BRIP1: variants seen among roughly 807,000 people sequenced by gnomAD.
BRIP1 encodes BRCA1 interacting DNA helicase 1.
In BRIP1, 88 loss-of-function variants were observed where a neutral mutation model predicts 119.7. The observed-to-expected ratio is 0.74, with a 90% confidence interval of 0.62 to 0.88. The LOEUF (loss-of-function observed/expected upper bound fraction) is 0.88, where lower values mean the gene tolerates loss of function less well. BRIP1 is among the 40% of genes least tolerant of loss of function. BRIP1 has a pLI of 0.00. For synonymous variants in BRIP1, 443 were observed against 496.5 expected, an observed-to-expected ratio of 0.89 and a Z score of 1.43; for missense variants, 1,259 against 1,455.4, an observed-to-expected ratio of 0.87 and a Z score of 2.20.
At chr17:61,818,671 T>A (rs1406308629) in intron 6 of BRIP1, among the ~76,000 whole-genome samples, 1 of 152,154 alleles carries the variant, frequency 6.6e-6, no homozygotes, top group Non-Finnish European at 1.5e-5. Context: ...ATGAGGGGAA[T>A]TATATCTCCT....
At position 61,815,295 on chromosome 17, in the gene BRIP1, G is replaced by A. The variant is rs2078219981; in HGVS notation, c.628-6538C>T. Reference sequence around the variant, plus strand: ...TATTACAGATCACCCAGAAACTACAGACACAATTTTGTGTGCATTTTTAGA... The same window carrying A: ...TATTACAGATCACCCAGAAACTACAAACACAATTTTGTGTGCATTTTTAGA... On this transcript the variant is annotated intron_variant, in intron 6 of 19. Coordinates refer to ENST00000259008, the MANE Select transcript of BRIP1 (RefSeq NM_032043.3). The surrounding 1 kb of genome is among the most constrained non-coding windows in gnomAD (Gnocchi z 4.1). 6.6e-6 allele frequency among the ~76,000 whole-genome samples: 1 copy of A among 152,068 alleles called. No individual in the cohort carries two copies. Among genetic ancestry groups the A allele is most frequent in the African/African-American group, 2.4e-5 (1 of 41,422 alleles).
In BRIP1 at chr17:61,680,425, A is replaced by G. The variant is rs2061255527; in HGVS notation, c.*2871T>C. ...GATGAAGTTGGGTAATAACACTAAG[A>G]TATGAATAATATGCTTAATTTTCTC... On this transcript the variant is annotated 3_prime_UTR_variant, in exon 20 of 20. Coordinates refer to ENST00000259008, the MANE Select transcript of BRIP1 (RefSeq NM_032043.3). Among the ~76,000 whole-genome samples, 1 of 151,628 alleles carries G rather than the reference A, an allele frequency of 6.6e-6. No individual in the cohort carries two copies. Among genetic ancestry groups the G allele is most frequent in the South Asian group, 2.1e-4 (1 of 4,802 alleles).
rs1030413229 is a variant in BRIP1 at position 61,699,861 on chromosome 17, C to G, written c.2493-6349G>C. ...GCAGAGGCTGCCTATATGACCAGCC[C>G]CAGTAAAATCCCTGGGTGCTAATGA... On this transcript the variant is annotated intron_variant, in intron 17 of 19. Transcript: ENST00000259008. The surrounding 1 kb of genome is among the most constrained non-coding windows in gnomAD (Gnocchi z 4.8). Among the ~76,000 whole-genome samples, 2 of 152,154 alleles carry G rather than the reference C, an allele frequency of 1.3e-5. No homozygotes were observed. Among genetic ancestry groups the G allele is most frequent in the Non-Finnish European group, 2.9e-5 (2 of 68,040 alleles).
At position 61,801,183 on chromosome 17, in the gene BRIP1, A is replaced by G. The variant is rs969500095; in HGVS notation, c.1140+70T>C. 54 of 1,440,988 alleles carry G rather than the reference A, an allele frequency of 3.7e-5. No individual in the cohort carries two copies. The South Asian group carries it at 4.9e-4, about 13-fold the overall frequency. 89.3% of individuals were successfully genotyped at this position (1,440,988 alleles called of 1,614,324 possible). A position where few individuals can be genotyped will look rare whatever the true frequency, so the allele number is the denominator to read the frequency against. On this transcript the variant is annotated intron_variant, in intron 8 of 19. Transcript: ENST00000259008. ...AAGCAAAAAAAATTAAAACATCTAA[A>G]AGCTTTTACATTCAACATTTACATC...
Position 61,744,581 on chromosome 17 carries a change from T to A in BRIP1, c.2108A>T (p.Lys703Ile), listed in dbSNP as rs756412722. The change falls in exon 15 of 20, where the codon AAA (lysine) becomes ATA (isoleucine). Residue 703 changes from lysine to isoleucine, a missense_variant. Around this residue, in one of 3 missense-constraint regions of BRIP1, gnomAD observed 753 missense variants for 891.8 expected, o/e 0.84. Coordinates refer to ENST00000259008, the MANE Select transcript of BRIP1 (RefSeq NM_032043.3). The surrounding 1 kb of genome is among the most constrained non-coding windows in gnomAD (Gnocchi z 5.0). ...CFLPSYKLLE[K>I]LKERWLSTGL... ...AGTAGAGAGCCAACGTTCTTTTAATTTTTCTAATAACTAAAGAGGGGAAAG... is the reference window on the plus strand; with the variant it reads ...AGTAGAGAGCCAACGTTCTTTTAATATTTCTAATAACTAAAGAGGGGAAAG... The A allele has an allele frequency of 3.0e-5, 49 of 1,613,182 alleles. No homozygotes were observed. Among genetic ancestry groups the A allele is most frequent in the Non-Finnish European group, 4.0e-5 (47 of 1,179,360 alleles).
At chr17:61,716,686 G>T (rs1319505704) in intron 16 of BRIP1, among the ~76,000 whole-genome samples, 1 of 82,454 alleles carries the variant, frequency 1.2e-5, no homozygotes, top group Non-Finnish European at 2.5e-5. Flanking sequence ...GTTATGATTG[G>T]GTTTAAGACT....
In BRIP1 at chr17:61,812,556, A is replaced by T. The variant is rs575725103; in HGVS notation, c.628-3799T>A. Reference sequence around the variant, plus strand: ...TGTTCAGAGTCCTTTTACTTCAAGAAAAGGCAAGAAAACCCAACCCAAGTA... The same window carrying T: ...TGTTCAGAGTCCTTTTACTTCAAGATAAGGCAAGAAAACCCAACCCAAGTA... On this transcript the variant is annotated intron_variant, in intron 6 of 19. Coordinates refer to ENST00000259008, the MANE Select transcript of BRIP1 (RefSeq NM_032043.3). Among the ~76,000 whole-genome samples the T allele has an allele frequency of 2.0e-5, 3 of 152,228 alleles. No homozygotes were observed. Among genetic ancestry groups the T allele is most frequent in the Non-Finnish European group, 4.4e-5 (3 of 68,010 alleles).
Position 61,808,579 on chromosome 17 carries a change from G to C in BRIP1, c.806C>G (p.Ser269Ter), listed in dbSNP as rs1412610651. The C allele has an allele frequency of 6.2e-7, 1 of 1,613,768 alleles. No homozygotes were observed. Among genetic ancestry groups the C allele is most frequent in the Non-Finnish European group, 8.5e-7 (1 of 1,179,808 alleles). Residue 269 changes from serine to a stop codon, truncating the protein, a stop_gained, in exon 7 of 20, where the codon TCA becomes TGA. Transcript: ENST00000259008. LOFTEE classifies it high-confidence loss of function. The surrounding 1 kb of genome is among the most constrained non-coding windows in gnomAD (Gnocchi z 4.1). ...GGAAAGAATAGTCATTGGAACCCCT[G>C]AATATGCCGTCCTCCGGAGCTCTCT... ...ITRELRRTAYSGVPMTILSSR... is the reference protein window; with the variant it reads ...ITRELRRTAY
At chr17:61,850,332 C>T (rs539400952) in intron 4 of BRIP1, among the ~76,000 whole-genome samples, 1 of 151,844 alleles carries the variant, frequency 6.6e-6, no homozygotes, top group African/African-American at 2.4e-5. Context: ...GAACTCCTGA[C>T]CTCAGGTGAT....
chr17:61,726,656 G>C lies in BRIP1; in HGVS notation c.2380-10593C>G, dbSNP rs941534117. Among the ~76,000 whole-genome samples the C allele has an allele frequency of 4.6e-5, 7 of 152,158 alleles. No homozygotes were observed. Among genetic ancestry groups the C allele is most frequent in the African/African-American group, 1.7e-4 (7 of 41,438 alleles). ...TATATACATTGGCAGAATACATACA[G>C]AACAGTGTTCAAACAGTTTTGAAAC... On this transcript the variant is annotated intron_variant, in intron 16 of 19. Transcript: ENST00000259008. The surrounding 1 kb of genome is among the most constrained non-coding windows in gnomAD (Gnocchi z 6.2).
Position 61,843,947 on chromosome 17 carries a change from C to T in BRIP1, c.627+3154G>A, listed in dbSNP as rs1184103841. Among the ~76,000 whole-genome samples the T allele has an allele frequency of 6.6e-6, 1 of 151,256 alleles. No individual in the cohort carries two copies. Among genetic ancestry groups the T allele is most frequent in the Non-Finnish European group, 1.5e-5 (1 of 67,886 alleles). On this transcript the variant is annotated intron_variant, in intron 6 of 19. Transcript: ENST00000259008. The surrounding 1 kb of genome is among the most constrained non-coding windows in gnomAD (Gnocchi z 5.7). ...TTTATTTTTTATTTTTTTTTAGAGACAGGGTCTCGCTCTGTCACCCAGACT... is the reference window on the plus strand; with the variant it reads ...TTTATTTTTTATTTTTTTTTAGAGATAGGGTCTCGCTCTGTCACCCAGACT...
chr17:61,786,838 ATATTT>A (rs1053549946), intron 10 of BRIP1, among the ~76,000 whole-genome samples: 2 of 127,650 alleles, frequency 1.6e-5, no homozygotes, highest in African/African-American at 5.9e-5. Flanking sequence ...TTTATATAAT[ATATTT>A]ATATAAAATA....
chr17:61,782,826 G>T (rs1056289425), intron 11 of BRIP1, among the ~76,000 whole-genome samples: 5 of 152,120 alleles, frequency 3.3e-5, no homozygotes, highest in African/African-American at 1.2e-4. Flanking sequence ...TACCTATTAG[G>T]ATGGCTATTA....
chr17:61,847,639 G>C (rs1346216204), intron 5 of BRIP1, among the ~76,000 whole-genome samples: 1 of 152,064 alleles, frequency 6.6e-6, no homozygotes, highest in African/African-American at 2.4e-5. Flanking sequence ...AATGTAAACA[G>C]TCATGATTTC....
At position 61,857,728 on chromosome 17, in the gene BRIP1, A is replaced by G. The variant is rs191254489; in HGVS notation, c.206-497T>C. Among the ~76,000 whole-genome samples the G allele has an allele frequency of 3.3e-4, 50 of 152,232 alleles. No homozygotes were observed. Among genetic ancestry groups the G allele is most frequent in the Non-Finnish European group, 5.3e-4 (36 of 68,016 alleles). ...GACAGAGCAAGACTCTGTTTCAAAA[A>G]CCAAAACAAAAACATTTATAGGGAA... On this transcript the variant is annotated intron_variant, in intron 3 of 19. Transcript: ENST00000259008. The surrounding 1 kb of genome is among the most constrained non-coding windows in gnomAD (Gnocchi z 5.1).
Position 61,679,263 on chromosome 17 carries a change from TAG to T in BRIP1, c.*4031_*4032del, listed in dbSNP as rs2061248187. ...GAAAGATCTTAACAACAAAGCCTTATAGAAACTTAGAAACAGTGCCAAATTTA... is the reference window on the plus strand; with the variant it reads ...GAAAGATCTTAACAACAAAGCCTTATAAACTTAGAAACAGTGCCAAATTTA... On this transcript the variant is annotated 3_prime_UTR_variant, in exon 20 of 20. Transcript: ENST00000259008. This position sits in a 1 kb window ranked among gnomAD's most constrained non-coding sequence, Gnocchi z 4.4. Among the ~76,000 whole-genome samples, 1 of 152,226 alleles carries T rather than the reference TAG, an allele frequency of 6.6e-6. No homozygotes were observed. The highest frequency in any genetic ancestry group is 1.5e-5 in the Non-Finnish European group (1 of 68,020).
In BRIP1 at chr17:61,695,078, C is replaced by A. The variant is rs138519025; in HGVS notation, c.2493-1566G>T. ...GTTGCTTGTGCTTCTGATAGCAGAT[C>A]TAAGAAACTATTGCCTAATACAAGG... On this transcript the variant is annotated intron_variant, in intron 17 of 19. Coordinates refer to ENST00000259008, the MANE Select transcript of BRIP1 (RefSeq NM_032043.3). This position sits in a 1 kb window ranked among gnomAD's most constrained non-coding sequence, Gnocchi z 4.3. 6.6e-6 allele frequency among the ~76,000 whole-genome samples: 1 copy of A among 152,016 alleles called. No homozygotes were observed. The highest frequency in any genetic ancestry group is 1.5e-5 in the Non-Finnish European group (1 of 67,950).
At chr17:61,688,466 G>A (rs185397289) in intron 18 of BRIP1, among the ~76,000 whole-genome samples, 4 of 152,222 alleles carry the variant, frequency 2.6e-5, no homozygotes, top group African/African-American at 9.6e-5. Flanking sequence ...GGGCGACAGA[G>A]TGAGACCTTG....
rs575988717 is a variant in BRIP1 at position 61,737,356 on chromosome 17, C to T, written c.2379+5657G>A. ...TTCACTTAGATATAAGGAAATTGGA[C>T]CTCACCATATATCACATAGAAAAAT... is the stretch of plus-strand genomic sequence containing the variant. On this transcript the variant is annotated intron_variant, in intron 16 of 19. Coordinates refer to ENST00000259008, the MANE Select transcript of BRIP1 (RefSeq NM_032043.3). Among the ~76,000 whole-genome samples, 23 of 152,146 alleles carry T rather than the reference C, an allele frequency of 1.5e-4. No homozygotes were observed. In the East Asian group the frequency reaches 4.2e-3, roughly 28 times the overall value.
Sources: allele counts gnomAD v4.1 joint callset (sites outside exome capture counted in the v4.1 genomes callset), GRCh38; gene constraint gnomAD v4.1.1; regional missense constraint gnomAD v4.1.1; non-coding constraint Gnocchi (gnomAD v3.1); transcripts MANE v1.5; gene names NCBI Gene and HGNC (gene_info 2026-07-23, HGNC 2026-07-21).